The following CCDC146 variants were observed in gnomAD, a reference collection of about 807,000 sequenced individuals.
The protein encoded by CCDC146 is coiled-coil domain-containing protein 146.
In CCDC146, 92 loss-of-function variants were observed where a neutral mutation model predicts 119.3. That is an observed-to-expected ratio of 0.77 (90% confidence interval 0.65 to 0.92). The LOEUF is 0.92. Ranked by LOEUF, CCDC146 falls within the 40% of genes least tolerant of loss-of-function variation. The probability of loss-of-function intolerance (pLI) is 0.00; values close to 1 mark genes in which losing one functional copy is unlikely to be tolerated. For missense variants in CCDC146, 1,000 were observed against 1,103.0 expected, an observed-to-expected ratio of 0.91 and a Z score of 1.32; for synonymous variants, 372 against 371.8, an observed-to-expected ratio of 1.00 and a Z score of -0.01.
At chr7:77,200,819 G>T (rs1181651654) in intron 2 of CCDC146, among the ~76,000 whole-genome samples, 1 of 152,192 alleles carries the variant, frequency 6.6e-6, no homozygotes, top group Non-Finnish European at 1.5e-5. Flanking sequence ...TTCAGTTAGA[G>T]AAACCACCTC....
chr7:77,134,563 C>CTGTCTGTG (rs1317639732), intron 1 of CCDC146, among the ~76,000 whole-genome samples: 16 of 139,310 alleles, frequency 1.1e-4, no homozygotes, highest in African/African-American at 4.3e-4. Context: ...GTGTGTGTGT[C>CTGTCTGTG]TGTGTGTGTG....
chr7:77,292,459 C>CA (rs930517805), intron 17 of CCDC146, among the ~76,000 whole-genome samples: 15 of 150,116 alleles, frequency 1.0e-4, no homozygotes, highest in South Asian at 4.2e-4. Flanking sequence ...AATAAAAATA[C>CA]AAAAAAAATT....
chr7:77,268,449 T>C (rs1793449309), intron 9 of CCDC146, among the ~76,000 whole-genome samples: 2 of 152,202 alleles, frequency 1.3e-5, no homozygotes, highest in Admixed American at 1.3e-4. Flanking sequence ...TTCTCAGCCT[T>C]CTGACTTGTT....
chr7:77,246,617 G>C (rs1416531190), intron 4 of CCDC146: 1 of 152,164 alleles, frequency 6.6e-6, no homozygotes, highest in Non-Finnish European at 1.5e-5. Flanking sequence ...CCCAAAAGGA[G>C]AGAAAAAGAT....
At chr7:77,256,230 AAATAT>A (rs1793175190) in intron 5 of CCDC146, 98 bp from the exon 6 acceptor site, 7 of 794,020 alleles carry the variant, frequency 8.8e-6, no homozygotes, top group Non-Finnish European at 1.4e-5. Flanking sequence ...ACTTCAAAAC[AAATAT>A]AATCAAAATG....
intron 2 of CCDC146, among the ~76,000 whole-genome samples, chr7:77,168,533 CT>C (rs1791372389): frequency 1.3e-5 from 2 of 151,918 alleles, no homozygotes; most frequent in Admixed American, 6.6e-5. Flanking sequence ...TTTAAAAAGT[CT>C]TAAGGCAAAA....
At chr7:77,239,400 G>T (rs1792801977) in intron 3 of CCDC146, among the ~76,000 whole-genome samples, 1 of 152,192 alleles carries the variant, frequency 6.6e-6, no homozygotes, top group Admixed American at 6.5e-5. Context: ...TTGCTATTTG[G>T]TACCTAACAT....
chr7:77,207,112 G>A (rs1228703784), intron 2 of CCDC146, among the ~76,000 whole-genome samples: 1 of 152,108 alleles, frequency 6.6e-6, no homozygotes, highest in African/African-American at 2.4e-5. Context: ...TTATTAAATG[G>A]AGTAAATGTT....
intron 14 of CCDC146, 108 bp from the exon 15 acceptor site, chr7:77,282,449 T>C: frequency 1.5e-6 from 1 of 671,480 alleles, no homozygotes; most frequent in Non-Finnish European, 2.6e-6. Context: ...CCTCTGGAAG[T>C]ATGCTATGTT....
chr7:77,161,554 G>A (rs550910011), intron 1 of CCDC146, among the ~76,000 whole-genome samples: 1,564 of 147,956 alleles, frequency 0.011, 23 homozygotes, highest in African/African-American at 0.036. Context: ...ACCAAACACC[G>A]CATATTCTCA....
At chr7:77,149,901 C>CAT (rs1791085253) in intron 1 of CCDC146, among the ~76,000 whole-genome samples, 1 of 151,632 alleles carries the variant, frequency 6.6e-6, no homozygotes, top group South Asian at 2.1e-4. Flanking sequence ...AATAGACCTA[C>CAT]ATATATTTGG....
intron 5 of CCDC146, 42 bp from the exon 6 acceptor site, chr7:77,256,291 T>G: frequency 7.0e-7 from 1 of 1,427,634 alleles, no homozygotes; most frequent in Non-Finnish European, 9.4e-7. Flanking sequence ...GATAAATGTT[T>G]GCTCAGACTA....
chr7:77,228,990 C>G (rs1305551319), intron 2 of CCDC146, among the ~76,000 whole-genome samples: 1 of 152,178 alleles, frequency 6.6e-6, no homozygotes. Flanking sequence ...CTAATGCTCT[C>G]CCTCCCCCAA....
chr7:77,282,433 T>A, intron 14 of CCDC146, 124 bp from the exon 15 acceptor site: 1 of 647,782 alleles, frequency 1.5e-6, no homozygotes, highest in African/African-American at 1.8e-5. Flanking sequence ...GGTGACTATC[T>A]GTGATCCTCT....
In CCDC146 at chr7:77,282,459, T is replaced by C. The variant is rs1381940972; in HGVS notation, c.1920-98T>C. On this transcript the variant is annotated intron_variant, in intron 14 of 18. Transcript: ENST00000285871. ...GTGATCCTCTGGAAGTATGCTATGT[T>C]GTGTATATCTTGCATCCAAAGCCAG... 1.7e-5 allele frequency: 12 copies of C among 715,102 alleles called. No individual in the cohort carries two copies. The Admixed American group carries it at 3.3e-4, about 20-fold the overall frequency. 44.3% of individuals were successfully genotyped at this position (715,102 alleles called of 1,614,324 possible).
intron 2 of CCDC146, among the ~76,000 whole-genome samples, chr7:77,213,416 A>G (rs1792227497): frequency 1.3e-5 from 2 of 152,140 alleles, no homozygotes; most frequent in Non-Finnish European, 2.9e-5. Context: ...TGATACTTAT[A>G]ATGTATAGTA....
At chr7:77,141,019 A>G (rs1373088602) in intron 1 of CCDC146, among the ~76,000 whole-genome samples, 3 of 152,062 alleles carry the variant, frequency 2.0e-5, no homozygotes, top group African/African-American at 7.2e-5. Context: ...TGCTGAACCC[A>G]TCAACCTGTC....
intron 1 of CCDC146, among the ~76,000 whole-genome samples, chr7:77,132,136 A>G: frequency 6.6e-6 from 1 of 152,020 alleles, no homozygotes; most frequent in Admixed American, 6.6e-5. Context: ...GGTGAATTCT[A>G]CCAGACATTT....
chr7:77,212,517 A>C lies in CCDC146; in HGVS notation c.157-24430A>C, dbSNP rs534333175. ...GCACCTGTAGTCCCAGCTACTTCAGAGGCTGAGGCAAGAGAATGGCATGAA... is the reference window on the plus strand; with the variant it reads ...GCACCTGTAGTCCCAGCTACTTCAGCGGCTGAGGCAAGAGAATGGCATGAA... On this transcript the variant is annotated intron_variant, in intron 2 of 18. Coordinates refer to ENST00000285871, the MANE Select transcript of CCDC146 (RefSeq NM_020879.3). 5.9e-4 allele frequency among the ~76,000 whole-genome samples: 89 copies of C among 150,690 alleles called. 1 individual carries two copies. In the South Asian group the frequency reaches 0.018, roughly 30 times the overall value.
Sources: gnomAD v4.1 joint callset for allele counts (sites outside exome capture counted in the v4.1 genomes callset) on GRCh38, gnomAD v4.1.1 for gene constraint, MANE v1.5 for transcripts, NCBI Gene and HGNC (gene_info 2026-07-23, HGNC 2026-07-21) for gene names.